CEP250: variants seen among roughly 807,000 people sequenced by gnomAD.
CEP250 encodes the protein centrosome-associated protein CEP250.
In CEP250, 242 loss-of-function variants were observed where a neutral mutation model predicts 315.7. The observed-to-expected ratio is 0.77, with a 90% CI of 0.69 to 0.85. The LOEUF (loss-of-function observed/expected upper bound fraction) is 0.85, where lower values mean the gene tolerates loss of function less well. CEP250 is among the 40% of genes least tolerant of loss of function. The pLI, the probability that CEP250 is intolerant of heterozygous loss-of-function variation, is 0.00. For synonymous variants in CEP250, 1,088 were observed against 1,175.0 expected (o/e 0.93, Z 1.51); for missense variants, 2,515 against 2,886.4 (o/e 0.87, Z 2.95).
rs1429601158 is a variant in CEP250 at position 35,516,097 on chromosome 20, G to T, written c.*4471G>T. On this transcript the variant is annotated 3_prime_UTR_variant, in exon 35 of 35. Transcript: ENST00000397527. ...CCTGAACCTTGGCTCAGGTGGATGG[G>T]CTTGGAGGTAAAATAATTGAATGGG... The T allele has an allele frequency of 6.6e-6, 1 of 152,310 alleles. No individual in the cohort carries two copies. Among genetic ancestry groups the T allele is most frequent in the African/African-American group, 2.4e-5 (1 of 41,446 alleles). 9.4% of individuals were successfully genotyped at this position (152,310 alleles called of 1,614,324 possible). A position where few individuals can be genotyped will look rare whatever the true frequency, so the allele number is the denominator to read the frequency against.
chr20:35,467,319 A>G lies in CEP250; in HGVS notation c.615A>G (p.Leu205=). The G allele has an allele frequency of 3.7e-6, 6 of 1,613,670 alleles. No individual in the cohort carries two copies. Among genetic ancestry groups the G allele is most frequent in the Non-Finnish European group, 5.1e-6 (6 of 1,179,620 alleles). The part of the protein sequence containing the change: ...KSATDRDLME[L]KAEHVRLSGS... ...TTGTACTCAGAGATCTGATGGAGCTAAAAGCTGAGCATGTGAGGCTTTCAG... is the reference window on the plus strand; with the variant it reads ...TTGTACTCAGAGATCTGATGGAGCTGAAAGCTGAGCATGTGAGGCTTTCAG... Residue 205 remains leucine (L), a synonymous_variant, in exon 9 of 35, where the codon CTA becomes CTG. Transcript: ENST00000397527.
chr20:35,476,509 G>A lies in CEP250; in HGVS notation c.1777G>A (p.Asp593Asn). 2 of 1,614,128 alleles carry A rather than the reference G, an allele frequency of 1.2e-6. No individual in the cohort carries two copies. The highest frequency in any genetic ancestry group is 1.7e-6 in the Non-Finnish European group (2 of 1,179,966). ...SENTLKTEVA[D>N]LRAAAVKLSA... The stretch of plus-strand genomic sequence containing the variant: ...AAACACCCTGAAGACAGAAGTAGCT[G>A]ATCTTCGGGCTGCAGCTGTCAAGCT... Residue 593 changes from aspartate (D) to asparagine (N), a missense_variant, in exon 16 of 35, where the codon GAT becomes AAT. Physicochemically the swap from Asp to Asn is conservative, Grantham distance 23. Coordinates refer to ENST00000397527, the MANE Select transcript of CEP250 (RefSeq NM_007186.6).
chr20:35,482,418 T>G (rs139107543), intron 20 of CEP250, among the ~76,000 whole-genome samples: 3,440 of 151,572 alleles, frequency 0.023, 147 homozygotes, highest in African/African-American at 0.078. Context: ...TTTTAGTAAA[T>G]ACAAAAATTT....
rs1490886015 is a variant in CEP250 at position 35,503,402 on chromosome 20, C to G, written c.5033C>G (p.Thr1678Ser). The G allele has an allele frequency of 6.2e-7, 1 of 1,614,102 alleles. No homozygotes were observed. The highest frequency in any genetic ancestry group is 2.2e-5 in the East Asian group (1 of 44,886). ...CTCGAGGATCAGAGGACCCGGCAGA[C>G]CAAGATCCTGGAGGAGGACCTGGAA... is the stretch of plus-strand genomic sequence containing the variant. ...QVLEDQRTRQ[T>S]KILEEDLEQI... The change falls in exon 30 of 35, where the codon ACC becomes AGC. Residue 1678 changes from threonine (T) to serine (S), a missense_variant. Thr to Ser is a moderately conservative substitution (Grantham distance 58). Transcript: ENST00000397527. This position sits in a 1 kb window ranked among gnomAD's most constrained non-coding sequence, Gnocchi z 4.2.
rs78323105 is a variant in CEP250 at position 35,475,152 on chromosome 20, G to A, written c.1572-350G>A. 2.8e-3 allele frequency among the ~76,000 whole-genome samples: 423 copies of A among 152,236 alleles called. 2 individuals carry two copies. The highest frequency in any genetic ancestry group is 0.015 in the South Asian group (74 of 4,820). On this transcript the variant is annotated intron_variant, in intron 14 of 34. Transcript: ENST00000397527. ...GTTTGAGGCTTCAGTGAGCTAAGAAGATACACAGAGAAGTCTCACTCTCAT... is the reference window on the plus strand; with the variant it reads ...GTTTGAGGCTTCAGTGAGCTAAGAAAATACACAGAGAAGTCTCACTCTCAT...
At chr20:35,464,550 C>T (rs957621773) in intron 5 of CEP250, among the ~76,000 whole-genome samples, 2 of 152,198 alleles carry the variant, frequency 1.3e-5, no homozygotes, top group South Asian at 4.1e-4. Context: ...TAGACTCAAG[C>T]AATCCTCCCA....
rs767825123 is a variant in CEP250 at position 35,472,821 on chromosome 20, A to T, written c.1199A>T (p.Gln400Leu). The T allele has an allele frequency of 6.2e-7, 1 of 1,614,162 alleles. No individual in the cohort carries two copies. Among genetic ancestry groups the T allele is most frequent in the Non-Finnish European group, 8.5e-7 (1 of 1,180,036 alleles). ...LVRSVLTRRR[Q>L]AVQDLRQQLA... The stretch of plus-strand genomic sequence containing the variant: ...CGTTCAGTGCTGACTCGGAGACGCC[A>T]GGCTGTGCAGGTAGGAACCCTCAGC... The change falls in exon 12 of 35, where the codon CAG becomes CTG. Residue 400 changes from glutamine (Q) to leucine (L), a missense_variant. Gln to Leu is a moderately radical substitution (Grantham distance 113). Coordinates refer to ENST00000397527, the MANE Select transcript of CEP250 (RefSeq NM_007186.6).
intron 1 of CEP250, among the ~76,000 whole-genome samples, chr20:35,456,748 T>A (rs1315104993): frequency 2.6e-5 from 4 of 151,958 alleles, no homozygotes; most frequent in Non-Finnish European, 4.4e-5. Flanking sequence ...GTCATTGCTC[T>A]GCCACTGACC....
intron 20 of CEP250, 60 bp downstream of exon 20, chr20:35,480,205 C>G: frequency 1.3e-6 from 2 of 1,503,612 alleles, no homozygotes; most frequent in Non-Finnish European, 1.8e-6. Context: ...CCTGCTGCCT[C>G]TTGGTCCAGT....
intron 1 of CEP250, among the ~76,000 whole-genome samples, chr20:35,456,314 C>T (rs2062623923): frequency 6.6e-6 from 1 of 152,188 alleles, no homozygotes; most frequent in African/African-American, 2.4e-5. Flanking sequence ...AGTCCCACAA[C>T]TAATAAGTGG....
intron 7 of CEP250, among the ~76,000 whole-genome samples, chr20:35,466,573 G>A (rs1446541927): frequency 6.6e-6 from 1 of 152,146 alleles, no homozygotes; most frequent in African/African-American, 2.4e-5. Flanking sequence ...GAAAGAAAGA[G>A]CTGTTATGGG....
rs1289331234 is a variant in CEP250 at position 35,504,375 on chromosome 20, A to G, written c.6006A>G (p.Gln2002=). The G allele has an allele frequency of 6.2e-7, 1 of 1,600,184 alleles. No individual in the cohort carries two copies. Among genetic ancestry groups the G allele is most frequent in the Non-Finnish European group, 8.5e-7 (1 of 1,173,408 alleles). The change falls in exon 30 of 35, where the codon CAA becomes CAG. Residue 2002 remains glutamine (Q), a synonymous_variant. Coordinates refer to ENST00000397527, the MANE Select transcript of CEP250 (RefSeq NM_007186.6). ...TGGAGGCCAGCACTGCAACCCTGCA[A>G]GCCTCCCTGGATGCCTGCCAGGCAC... ...RSLEASTATL[Q]ASLDACQAHS...
intron 1 of CEP250, 146 bp from the exon 2 acceptor site, chr20:35,458,158 T>G (rs2062672982): frequency 6.6e-6 from 1 of 152,264 alleles, no homozygotes; most frequent in Non-Finnish European, 1.5e-5. Flanking sequence ...ATCTTAGTCC[T>G]TGTAGCATTT....
intron 20 of CEP250, among the ~76,000 whole-genome samples, chr20:35,483,689 C>T (rs1018660009): frequency 1.6e-4 from 24 of 152,048 alleles, no homozygotes; most frequent in African/African-American, 5.8e-4. Flanking sequence ...ACTTTCTTCT[C>T]TCTTTCTGTA....
chr20:35,463,802 G>T (rs2062812373), intron 5 of CEP250, among the ~76,000 whole-genome samples, 171 bp downstream of exon 5: 1 of 152,234 alleles, frequency 6.6e-6, no homozygotes, highest in Non-Finnish European at 1.5e-5. Flanking sequence ...GGACCTAGCT[G>T]GCCTGTCAGA....
At chr20:35,502,300 G>A (rs2064028898) in intron 29 of CEP250, 90 bp from the exon 30 acceptor site, 1 of 1,183,602 alleles carries the variant, frequency 8.4e-7, no homozygotes, top group Non-Finnish European at 1.2e-6. Context: ...ATCACTGCTA[G>A]TGCCACAAAA....
At chr20:35,479,485 G>A (rs760826764) in intron 18 of CEP250, 61 bp downstream of exon 18, 143 of 1,563,184 alleles carry the variant, frequency 9.1e-5, no homozygotes, top group Non-Finnish European at 1.2e-4. Flanking sequence ...AAGGCGTGAA[G>A]CTAAGCTCCC....
Position 35,479,438 on chromosome 20 carries a change from T to G in CEP250, c.2288+14T>G. 2 of 1,608,228 alleles carry G rather than the reference T, an allele frequency of 1.2e-6. No individual in the cohort carries two copies. Among genetic ancestry groups the G allele is most frequent in the Non-Finnish European group, 1.7e-6 (2 of 1,177,520 alleles). ...ACAGGGGCTCAGGTAGGGCCCAGAC[T>G]CAGTTCAGCCAAGCACAGAGAGAGC... is the stretch of plus-strand genomic sequence containing the variant. On this transcript the variant is annotated intron_variant, in intron 18 of 34. Coordinates refer to ENST00000397527, the MANE Select transcript of CEP250 (RefSeq NM_007186.6).
chr20:35,511,623 G>A lies in CEP250; in HGVS notation c.7326G>A (p.Arg2442=). ...CCAGCACTACCCAAGCCGCCTCCAG[G>A]TAGCAGCCACAGCCAGGAGCACACA... ...PSPSTTQAAS[R] Residue 2442 remains arginine (R), a synonymous_variant, in exon 35 of 35, where the codon AGG becomes AGA. Transcript: ENST00000397527. 4 of 1,607,592 alleles carry A rather than the reference G, an allele frequency of 2.5e-6. No homozygotes were observed. Among genetic ancestry groups the A allele is most frequent in the Non-Finnish European group, 3.4e-6 (4 of 1,176,094 alleles).
Sources: gnomAD v4.1 joint callset for allele counts (sites outside exome capture counted in the v4.1 genomes callset) on GRCh38, gnomAD v4.1.1 for gene constraint, Gnocchi (gnomAD v3.1) non-coding constraint, MANE v1.5 for transcripts, NCBI Gene and HGNC (gene_info 2026-07-23, HGNC 2026-07-21) for gene names.